The following ZNF385D variants were observed in gnomAD, a reference collection of about 807,000 sequenced individuals.
ZNF385D encodes the protein zinc finger protein 659.
ZNF385D carries 15 observed loss-of-function variants against 35.8 expected under a neutral mutation model. The observed-to-expected ratio is 0.42, with a 90% CI of 0.28 to 0.64. The LOEUF (loss-of-function observed/expected upper bound fraction) is 0.64, where lower values mean the gene tolerates loss of function less well. ZNF385D is among the 30% of genes least tolerant of loss of function. ZNF385D has a pLI of 0.23. For missense variants in ZNF385D, 474 were observed against 494.6 expected, an observed-to-expected ratio of 0.96 and a Z score of 0.39; for synonymous variants, 212 against 186.8, an observed-to-expected ratio of 1.13 and a Z score of -1.10.
At chr3:21,738,511 T>C (rs1319699386) in intron 1 of ZNF385D, among the ~76,000 whole-genome samples, 1 of 152,234 alleles carries the variant, frequency 6.6e-6, no homozygotes, top group Non-Finnish European at 1.5e-5. Flanking sequence ...AAGTTACACC[T>C]CTGCCTTGTG....
At chr3:22,179,259 A>C (rs545695167) in intron 2 of ZNF385D, among the ~76,000 whole-genome samples, 15 of 141,586 alleles carry the variant, frequency 1.1e-4, no homozygotes, top group African/African-American at 2.1e-4. Context: ...CTTTTATTTC[A>C]TTGAGCAGTG....
chr3:21,810,885 G>A (rs2072888405), intron 3 of ZNF385D, among the ~76,000 whole-genome samples: 1 of 150,974 alleles, frequency 6.6e-6, no homozygotes, highest in African/African-American at 2.4e-5. Context: ...TAAATTAAAT[G>A]GTAAATTGTT....
chr3:22,048,370 T>C (rs981881758), intron 3 of ZNF385D, among the ~76,000 whole-genome samples: 1 of 152,196 alleles, frequency 6.6e-6, no homozygotes, highest in African/African-American at 2.4e-5. Context: ...AGCAGTTTTA[T>C]AGATCCAGGT....
intron 3 of ZNF385D, among the ~76,000 whole-genome samples, chr3:21,798,693 T>C (rs570598246): frequency 2.0e-4 from 30 of 152,268 alleles, no homozygotes; most frequent in Admixed American, 1.7e-3. Context: ...CTCATCATAG[T>C]CACAGGTATC....
chr3:22,096,365 A>AC (rs763932996), intron 3 of ZNF385D, among the ~76,000 whole-genome samples: 10 of 70,694 alleles, frequency 1.4e-4, no homozygotes, highest in African/African-American at 3.7e-4. Context: ...TTTTTAAAAG[A>AC]AAAAAACTGT....
At chr3:22,144,197 G>A (rs915542360) in intron 3 of ZNF385D, among the ~76,000 whole-genome samples, 9 of 152,104 alleles carry the variant, frequency 5.9e-5, no homozygotes, top group African/African-American at 1.7e-4. Context: ...AATAACTACA[G>A]AACCAGGAGT....
intron 3 of ZNF385D, among the ~76,000 whole-genome samples, chr3:22,115,715 TGTA>T (rs1429573544): frequency 2.0e-5 from 3 of 152,080 alleles, no homozygotes; most frequent in African/African-American, 7.2e-5. Context: ...TAAAATGTAA[TGTA>T]GTAGTAGATT....
chr3:21,922,878 T>C (rs9814522), intron 3 of ZNF385D, among the ~76,000 whole-genome samples: 1 of 152,088 alleles, frequency 6.6e-6, no homozygotes. Context: ...ATTCACAAGC[T>C]ACACATCTGA....
At chr3:21,558,424 T>C (rs138100003) in intron 3 of ZNF385D, among the ~76,000 whole-genome samples, 4,981 of 152,270 alleles carry the variant, frequency 0.033, 256 homozygotes, top group African/African-American at 0.11. Context: ...CCGGTAGTCA[T>C]TCAGGAGCAG....
At position 21,489,429 on chromosome 3, in the gene ZNF385D, G is replaced by A. The variant is rs555312478; in HGVS notation, c.439+21432C>T. Among the ~76,000 whole-genome samples, 47 of 152,242 alleles carry A rather than the reference G, an allele frequency of 3.1e-4. 1 individual carries two copies. In the South Asian group the frequency reaches 5.4e-3, roughly 17 times the overall value. On this transcript the variant is annotated intron_variant, in intron 4 of 7. Coordinates refer to ENST00000281523, the MANE Select transcript of ZNF385D (RefSeq NM_024697.3). ...GCACAGCAGATGTCTCAGGGCTCTC[G>A]TATCAGGTGCATGCTCTAAAGGGCT...
At chr3:22,044,482 C>T (rs944124573) in intron 3 of ZNF385D, among the ~76,000 whole-genome samples, 2 of 152,004 alleles carry the variant, frequency 1.3e-5, no homozygotes, top group Admixed American at 6.6e-5. Flanking sequence ...TAAAAAGACA[C>T]AGGCTGAAGC....
At chr3:21,974,208 A>C (rs114042715) in intron 3 of ZNF385D, among the ~76,000 whole-genome samples, 6 of 152,108 alleles carry the variant, frequency 3.9e-5, no homozygotes, top group Non-Finnish European at 8.8e-5. Flanking sequence ...ACAGTATGGT[A>C]CTGGCATATA....
chr3:22,080,021 T>G (rs1700667875), intron 3 of ZNF385D, among the ~76,000 whole-genome samples: 1 of 152,082 alleles, frequency 6.6e-6, no homozygotes, highest in South Asian at 2.1e-4. Flanking sequence ...ATCAAAGTTG[T>G]TACACTTTCC....
chr3:21,716,851 C>A (rs1050296585), intron 1 of ZNF385D, among the ~76,000 whole-genome samples: 10 of 152,126 alleles, frequency 6.6e-5, no homozygotes, highest in African/African-American at 2.4e-4. Flanking sequence ...CAGGCTGGTG[C>A]GGTGGCTCAT....
chr3:22,123,952 CTCTCTCTCTCTATATATATATA>C (rs1355950324), intron 3 of ZNF385D, among the ~76,000 whole-genome samples: 7 of 102,120 alleles, frequency 6.9e-5, no homozygotes, highest in Admixed American at 5.4e-4. Flanking sequence ...CTCTCTCTCT[CTCTCTCTCTCTATATATATATA>C]TATATATATA....
chr3:21,849,876 G>C (rs1252192293), intron 3 of ZNF385D, among the ~76,000 whole-genome samples: 2 of 151,828 alleles, frequency 1.3e-5, no homozygotes, highest in East Asian at 3.9e-4. Flanking sequence ...CTTCAAAGTA[G>C]CTGGGACTAC....
At chr3:22,355,489 A>G (rs1349903699) in intron 2 of ZNF385D, among the ~76,000 whole-genome samples, 2 of 152,034 alleles carry the variant, frequency 1.3e-5, no homozygotes, top group Non-Finnish European at 2.9e-5. Flanking sequence ...GTATACAAAA[A>G]TGAAATGAAG....
At chr3:21,977,941 C>A (rs1703738524) in intron 3 of ZNF385D, among the ~76,000 whole-genome samples, 1 of 152,110 alleles carries the variant, frequency 6.6e-6, no homozygotes, top group African/African-American at 2.4e-5. Flanking sequence ...CACTGCCCCA[C>A]CAATTCTCTC....
intron 3 of ZNF385D, among the ~76,000 whole-genome samples, chr3:21,790,985 C>T (rs900158638): frequency 1.3e-5 from 2 of 152,050 alleles, no homozygotes; most frequent in Non-Finnish European, 2.9e-5. Flanking sequence ...TAAACCAATG[C>T]GAAGAAATAC....
Sources: gnomAD v4.1 joint callset for allele counts (sites outside exome capture counted in the v4.1 genomes callset) on GRCh38, gnomAD v4.1.1 for gene constraint, MANE v1.5 for transcripts, NCBI Gene and HGNC (gene_info 2026-07-23, HGNC 2026-07-21) for gene names.